Variants in MSN observed in about 807,000 individuals in gnomAD.
MSN encodes moesin.
In MSN, 2 loss-of-function variants were observed where a neutral mutation model predicts 48.0. That is an observed-to-expected ratio of 0.04 (90% confidence interval 0.02 to 0.13). The LOEUF (loss-of-function observed/expected upper bound fraction) is 0.13. Ranked by LOEUF, MSN falls within the 10% of genes least tolerant of loss-of-function variation. The probability of loss-of-function intolerance (pLI) is 1.00; values close to 1 mark genes in which losing one functional copy is unlikely to be tolerated. For missense variants in MSN, 267 were observed against 470.1 expected (o/e 0.57, Z 3.99); for synonymous variants, 146 against 166.9 (o/e 0.87, Z 0.97).
At chrX:65,701,447 A>T (rs1398717202) in intron 1 of MSN, among the ~76,000 whole-genome samples, 1 of 111,481 alleles carries the variant, frequency 9.0e-6, no homozygotes, top group East Asian at 2.8e-4. Flanking sequence ...ATGACCAGAG[A>T]TCCCTGGTCC....
chrX:65,738,764 T>A (rs1239399236), intron 11 of MSN, 147 bp downstream of exon 11: 1 of 629,751 alleles, frequency 1.6e-6, no homozygotes, highest in East Asian at 3.6e-5. Context: ...CATGGTTTCG[T>A]CAAATACTTA....
chrX:65,740,525 T>G lies in MSN; in HGVS notation c.*632T>G, dbSNP rs755494945. 2 of 172,824 alleles carry G rather than the reference T, an allele frequency of 1.2e-5. No individual in the cohort carries two copies. The highest frequency in any genetic ancestry group is 1.6e-4 in the East Asian group (2 of 12,191). 14.2% of individuals were successfully genotyped at this position (172,824 alleles called of 1,213,427 possible). On this transcript the variant is annotated 3_prime_UTR_variant, in exon 13 of 13. Transcript: ENST00000360270. ...AAGCCTTGTCGTTGACTTTAGGGACTCAATTTCTCCCCAGGGTGGATGGGG... is the reference window on the plus strand; with the variant it reads ...AAGCCTTGTCGTTGACTTTAGGGACGCAATTTCTCCCCAGGGTGGATGGGG...
At chrX:65,717,221 C>G (rs1235209118) in intron 2 of MSN, among the ~76,000 whole-genome samples, 1 of 111,854 alleles carries the variant, frequency 8.9e-6, no homozygotes, top group Admixed American at 9.5e-5. Flanking sequence ...TAAGTGATGT[C>G]TTCTCCATTT....
At chrX:65,614,830 A>G (rs2070353318) in intron 1 of MSN, among the ~76,000 whole-genome samples, 1 of 95,130 alleles carries the variant, frequency 1.1e-5, no homozygotes, top group African/African-American at 3.9e-5. Flanking sequence ...CATTAGGTAT[A>G]TCTCCCGATG....
intron 1 of MSN, among the ~76,000 whole-genome samples, chrX:65,630,061 C>T (rs1230466520): frequency 9.1e-6 from 1 of 110,401 alleles, no homozygotes; most frequent in African/African-American, 3.3e-5. Context: ...TGCTTGTAAT[C>T]CCAGCTACTC....
intron 1 of MSN, among the ~76,000 whole-genome samples, chrX:65,629,722 T>C (rs939414909): frequency 9.0e-6 from 1 of 111,591 alleles, no homozygotes; most frequent in Admixed American, 9.5e-5. Context: ...GTGAGACTTA[T>C]TCACTATCAT....
intron 1 of MSN, among the ~76,000 whole-genome samples, chrX:65,641,942 G>A (rs1348645430): frequency 1.8e-5 from 2 of 108,295 alleles, no homozygotes; most frequent in Admixed American, 2.0e-4. Flanking sequence ...CGAGACCAGC[G>A]TGACCAACAT....
chrX:65,663,951 T>G (rs2070845366), upstream of MSN, among the ~76,000 whole-genome samples: 1 of 107,958 alleles, frequency 9.3e-6, no homozygotes, highest in Non-Finnish European at 1.9e-5. Context: ...TCCCAGCTAC[T>G]TGGGAGGCTG....
At chrX:65,628,753 G>A (rs1003187371) in intron 1 of MSN, among the ~76,000 whole-genome samples, 13 of 109,747 alleles carry the variant, frequency 1.2e-4, no homozygotes, top group African/African-American at 4.3e-4. Context: ...GAATTTTTAT[G>A]CTGTTTCCTT....
intron 1 of MSN, among the ~76,000 whole-genome samples, chrX:65,608,119 C>T (rs1055710947): frequency 2.7e-5 from 3 of 111,589 alleles, no homozygotes; most frequent in Non-Finnish European, 3.8e-5. Context: ...CCAAATGCCA[C>T]GGTGTGGGGC....
At chrX:65,725,334 C>T (rs1443418239) in intron 2 of MSN, among the ~76,000 whole-genome samples, 1 of 111,834 alleles carries the variant, frequency 8.9e-6, no homozygotes, top group Admixed American at 9.4e-5. Flanking sequence ...AGTCTGTTCT[C>T]CCCCCATGAC....
chrX:65,617,006 C>T (rs2070379628), intron 1 of MSN, among the ~76,000 whole-genome samples: 1 of 109,300 alleles, frequency 9.1e-6, no homozygotes, highest in Non-Finnish European at 1.9e-5. Flanking sequence ...TGCTGGATTA[C>T]ATTTATTGAT....
chrX:65,696,225 T>TCACACACACACACACACA (rs111720807), intron 1 of MSN, among the ~76,000 whole-genome samples: 47 of 102,282 alleles, frequency 4.6e-4, no homozygotes, highest in African/African-American at 1.5e-3. Context: ...GCTTGCTCAT[T>TCACACACACACACACACA]CACACACACA....
At chrX:65,631,239 G>A (rs1009020114) in intron 1 of MSN, among the ~76,000 whole-genome samples, 5 of 109,674 alleles carry the variant, frequency 4.6e-5, no homozygotes, top group African/African-American at 1.7e-4. Context: ...GATTACAGGC[G>A]CCCACCACCA....
At chrX:65,604,311 G>A (rs747489208) in intron 1 of MSN, among the ~76,000 whole-genome samples, 4 of 112,119 alleles carry the variant, frequency 3.6e-5, no homozygotes, top group Non-Finnish European at 7.5e-5. Context: ...GATGTCCAGA[G>A]GGAGATAGCC....
chrX:65,724,769 C>T (rs1301004503), intron 2 of MSN, among the ~76,000 whole-genome samples: 1 of 111,380 alleles, frequency 9.0e-6, no homozygotes, highest in Non-Finnish European at 1.9e-5. Flanking sequence ...TCACTGCATC[C>T]TCCACCTCCC....
At chrX:65,729,782 C>A in intron 4 of MSN, 70 bp downstream of exon 4, 1 of 1,054,762 alleles carries the variant, frequency 9.5e-7, no homozygotes, top group Non-Finnish European at 1.3e-6. Flanking sequence ...CCAATCCCTG[C>A]CTCACAGGGA....
Position 65,736,861 on chromosome X carries a change from G to A in MSN, c.1026G>A (p.Arg342=), listed in dbSNP as rs1405217361. The change falls in exon 9 of 13, where the codon CGG becomes CGA. Residue 342 remains arginine, a synonymous_variant. Coordinates refer to ENST00000360270, the MANE Select transcript of MSN (RefSeq NM_002444.3). ...MAEKEKEKIE[R]EKEELMERLK... is the part of the protein sequence containing the mutation. ...AGAAGGAGAAAGAGAAGATTGAACG[G>A]GAGAAGGAGGAGCTGATGGAGAGGC... 4 of 1,182,821 alleles carry A rather than the reference G, an allele frequency of 3.4e-6. No homozygotes were observed. Among genetic ancestry groups the A allele is most frequent in the Non-Finnish European group, 4.5e-6 (4 of 880,230 alleles).
chrX:65,613,021 T>C (rs1278037557), intron 1 of MSN, among the ~76,000 whole-genome samples: 1 of 111,592 alleles, frequency 9.0e-6, no homozygotes, highest in African/African-American at 3.3e-5. Flanking sequence ...CCTAATGTTA[T>C]CCCTCCCCTT....
Sources: allele counts gnomAD v4.1 joint callset (sites outside exome capture counted in the v4.1 genomes callset), GRCh38; gene constraint gnomAD v4.1.1; transcripts MANE v1.5; gene names NCBI Gene and HGNC (gene_info 2026-07-23, HGNC 2026-07-21).